Variants in TSPAN18 observed in about 807,000 individuals in gnomAD.
The protein encoded by TSPAN18 is tetraspanin-18.
Under a neutral mutation model 27.3 loss-of-function variants are expected in TSPAN18, and 14 were observed. The ratio of observed to expected loss-of-function variants is 0.51; its 90% confidence interval spans 0.34 to 0.80. TSPAN18 has a LOEUF of 0.80. Among genes scored for constraint, TSPAN18 ranks in the 30% least tolerant of loss-of-function variants. TSPAN18 has a pLI of 0.01. For missense variants in TSPAN18, 268 were observed against 323.9 expected (o/e 0.83, Z 1.32); for synonymous variants, 143 against 136.5 (o/e 1.05, Z -0.33).
chr11:44,894,977 C>T (rs546335005), intron 3 of TSPAN18, among the ~76,000 whole-genome samples: 3 of 152,256 alleles, frequency 2.0e-5, no homozygotes, highest in South Asian at 4.1e-4. Context: ...TGAACTCAGA[C>T]GAGTTAGTTA....
intron 1 of TSPAN18, among the ~76,000 whole-genome samples, chr11:44,758,674 A>G (rs1296553372): frequency 6.6e-6 from 1 of 152,152 alleles, no homozygotes; most frequent in Non-Finnish European, 1.5e-5. Context: ...TTTGCAGTCT[A>G]TTAGCTCATC....
intron 2 of TSPAN18, among the ~76,000 whole-genome samples, chr11:44,778,925 A>G (rs1425519969): frequency 1.3e-5 from 2 of 152,116 alleles, no homozygotes; most frequent in African/African-American, 2.4e-5. Flanking sequence ...CTCTGGGGAC[A>G]TTAGTCTTGG....
intron 3 of TSPAN18, among the ~76,000 whole-genome samples, chr11:44,865,316 A>T (rs835748): frequency 0.76 from 115,404 of 152,040 alleles, 44,115 homozygotes; most frequent in East Asian, 0.99. Context: ...TAATGGCATC[A>T]TAGGGCTGCG....
chr11:44,798,898 C>T (rs1856411175), intron 2 of TSPAN18, among the ~76,000 whole-genome samples: 1 of 152,138 alleles, frequency 6.6e-6, no homozygotes, highest in African/African-American at 2.4e-5. Context: ...TCTTCCAAGT[C>T]CTTCTTTATT....
At chr11:44,893,209 C>CT (rs897527199) in intron 3 of TSPAN18, among the ~76,000 whole-genome samples, 12 of 152,224 alleles carry the variant, frequency 7.9e-5, no homozygotes, top group Non-Finnish European at 1.5e-4. Flanking sequence ...AACTCACAGA[C>CT]TAGAGAGGGG....
At chr11:44,791,685 G>A (rs1297861208) in intron 2 of TSPAN18, among the ~76,000 whole-genome samples, 1 of 152,232 alleles carries the variant, frequency 6.6e-6, no homozygotes, top group Non-Finnish European at 1.5e-5. Flanking sequence ...CATCTGCTCT[G>A]GGAAGAGGGG....
In TSPAN18 at chr11:44,872,138, C is replaced by G. The variant is rs1858213720; in HGVS notation, c.-11+11669C>G. 2.6e-5 allele frequency among the ~76,000 whole-genome samples: 4 copies of G among 152,008 alleles called. No homozygotes were observed. The South Asian group carries it at 8.3e-4, about 32-fold the overall frequency. Reference sequence around the variant, plus strand: ...TAGAGACAGGGTTTCGCCATGTTGTCCAGGCTGGTCTCGAACTCCTGACCT... The same window carrying G: ...TAGAGACAGGGTTTCGCCATGTTGTGCAGGCTGGTCTCGAACTCCTGACCT... On this transcript the variant is annotated intron_variant, in intron 3 of 9. Transcript: ENST00000520358.
chr11:44,847,806 A>G (rs2135181067), intron 2 of TSPAN18, among the ~76,000 whole-genome samples: 1 of 151,896 alleles, frequency 6.6e-6, no homozygotes, highest in East Asian at 1.9e-4. Context: ...TGAAGTGCCC[A>G]GGATAGTGAG....
At chr11:44,893,164 G>T (rs1858913293) in intron 3 of TSPAN18, among the ~76,000 whole-genome samples, 1 of 152,226 alleles carries the variant, frequency 6.6e-6, no homozygotes, top group Admixed American at 6.5e-5. Flanking sequence ...CAGAGGAAAG[G>T]GCTGGTGGCA....
At chr11:44,819,903 C>T (rs1856892197) in intron 2 of TSPAN18, among the ~76,000 whole-genome samples, 1 of 152,108 alleles carries the variant, frequency 6.6e-6, no homozygotes, top group South Asian at 2.1e-4. Flanking sequence ...CAGATCCAGG[C>T]AAAGGTGTCT....
At chr11:44,805,032 G>A (rs1856562119) in intron 2 of TSPAN18, among the ~76,000 whole-genome samples, 1 of 152,184 alleles carries the variant, frequency 6.6e-6, no homozygotes, top group African/African-American at 2.4e-5. Flanking sequence ...GGCAGCTGTG[G>A]CCGCCCTTGG....
At chr11:44,789,294 G>A (rs917593985) in intron 2 of TSPAN18, among the ~76,000 whole-genome samples, 2 of 152,192 alleles carry the variant, frequency 1.3e-5, no homozygotes, top group African/African-American at 4.8e-5. Flanking sequence ...GTCAAATCTT[G>A]TAGGGATCTT....
chr11:44,791,673 G>A (rs1374641453), intron 2 of TSPAN18, among the ~76,000 whole-genome samples: 1 of 152,198 alleles, frequency 6.6e-6, no homozygotes, highest in African/African-American at 2.4e-5. Context: ...CTAAGGTCTG[G>A]GCATCTGCTC....
chr11:44,836,030 C>A (rs963902672), intron 2 of TSPAN18, among the ~76,000 whole-genome samples: 2 of 152,154 alleles, frequency 1.3e-5, no homozygotes, highest in Non-Finnish European at 2.9e-5. Flanking sequence ...CTATTTCCAA[C>A]TACATAACAA....
intron 1 of TSPAN18, among the ~76,000 whole-genome samples, chr11:44,763,362 A>G (rs893832187): frequency 2.0e-5 from 3 of 152,120 alleles, no homozygotes; most frequent in African/African-American, 7.2e-5. Context: ...TGTGGCCTGG[A>G]CATGGTGAAT....
At position 44,909,895 on chromosome 11, in the gene TSPAN18, T is replaced by C; in HGVS notation, c.254T>C (p.Leu85Pro). ...GAVRENKCLL[L>P]FFFLFILIIF... ...GTCCGTGAGAACAAGTGTCTGCTGC[T>C]ATTTGTGAGTACCCCAGCCCCCACC... is the stretch of plus-strand genomic sequence containing the variant. Residue 85 changes from leucine (L) to proline (P), a missense_variant, in exon 5 of 10, where the codon CTA becomes CCA. Leu to Pro is a moderately conservative substitution (Grantham distance 98). Transcript: ENST00000520358. 1 of 1,610,418 alleles carries C rather than the reference T, an allele frequency of 6.2e-7. No homozygotes were observed. Among genetic ancestry groups the C allele is most frequent in the Non-Finnish European group, 8.5e-7 (1 of 1,177,710 alleles).
chr11:44,860,425 C>T lies in TSPAN18; in HGVS notation c.-55C>T, dbSNP rs781238081. ...ACCCCTTGAATTTGATTTCTGGAGACGCGAGCATAATCCTTTTGCAGACAT... is the reference window on the plus strand; with the variant it reads ...ACCCCTTGAATTTGATTTCTGGAGATGCGAGCATAATCCTTTTGCAGACAT... On this transcript the variant is annotated 5_prime_UTR_variant, in exon 3 of 10. In the 5' UTR this introduces an upstream ATG that the reference lacks. Coordinates refer to ENST00000520358, the MANE Select transcript of TSPAN18 (RefSeq NM_130783.5). The T allele has an allele frequency of 2.6e-5, 4 of 152,208 alleles. No homozygotes were observed. Among genetic ancestry groups the T allele is most frequent in the Non-Finnish European group, 4.4e-5 (3 of 68,058 alleles). The allele number at this position is 152,208 out of a possible 1,614,324, so 9.4% of individuals were successfully genotyped here.
chr11:44,819,566 T>C (rs934668793), intron 2 of TSPAN18, among the ~76,000 whole-genome samples: 2 of 152,144 alleles, frequency 1.3e-5, no homozygotes, highest in African/African-American at 4.8e-5. Context: ...AACGGCACAG[T>C]CAACATGGAA....
rs1395281195 is a variant in TSPAN18, at chr11:44,930,909, G to T, written c.*1731G>T. 3.8e-6 allele frequency: 2 copies of T among 525,708 alleles called. No homozygotes were observed. Among genetic ancestry groups the T allele is most frequent in the Non-Finnish European group, 3.9e-6 (1 of 256,028 alleles). The allele number at this position is 525,708 out of a possible 1,614,324, so 32.6% of individuals were successfully genotyped here. A position where few individuals can be genotyped will look rare whatever the true frequency, so the allele number is the denominator to read the frequency against. ...CACAAGCCACCGGCATCCTGTATCAGCTTCCAGCCTCCCCTCAGGCTTTCC... is the reference window on the plus strand; with the variant it reads ...CACAAGCCACCGGCATCCTGTATCATCTTCCAGCCTCCCCTCAGGCTTTCC... On this transcript the variant is annotated 3_prime_UTR_variant, in exon 10 of 10. Coordinates refer to ENST00000520358, the MANE Select transcript of TSPAN18 (RefSeq NM_130783.5).
Sources: allele counts gnomAD v4.1 joint callset (sites outside exome capture counted in the v4.1 genomes callset), GRCh38; gene constraint gnomAD v4.1.1; transcripts MANE v1.5; gene names NCBI Gene and HGNC (gene_info 2026-07-23, HGNC 2026-07-21).